Variants in CPVL observed in about 807,000 individuals in gnomAD.
The protein encoded by CPVL is carboxypeptidase vitellogenic like.
In CPVL, 51 loss-of-function variants were observed where a neutral mutation model predicts 63.7. The ratio of observed to expected loss-of-function variants is 0.80; its 90% CI spans 0.64 to 1.01. CPVL has a LOEUF of 1.01. CPVL is among the 50% of genes least tolerant of loss of function. CPVL has a pLI of 0.00. For synonymous variants in CPVL, 195 were observed against 206.0 expected, an observed-to-expected ratio of 0.95 and a Z score of 0.46; for missense variants, 530 against 573.1, an observed-to-expected ratio of 0.92 and a Z score of 0.77.
intron 12 of CPVL, among the ~76,000 whole-genome samples, chr7:29,030,261 T>G (rs1787896527): frequency 6.6e-6 from 1 of 152,246 alleles, no homozygotes; most frequent in Non-Finnish European, 1.5e-5. Flanking sequence ...TCCTTTATAA[T>G]TTGCCAAGTT....
At chr7:29,030,348 T>C (rs1229143870) in intron 12 of CPVL, among the ~76,000 whole-genome samples, 2 of 152,220 alleles carry the variant, frequency 1.3e-5, no homozygotes, top group Admixed American at 1.3e-4. Context: ...TAATGAATTG[T>C]CTCCTTACCT....
At chr7:29,098,834 G>A (rs1169034387) in intron 3 of CPVL, among the ~76,000 whole-genome samples, 5 of 152,000 alleles carry the variant, frequency 3.3e-5, no homozygotes, top group African/African-American at 4.8e-5. Flanking sequence ...AGGTCGAGGC[G>A]GGCGGATCAC....
intron 12 of CPVL, among the ~76,000 whole-genome samples, chr7:28,999,808 A>G (rs1784440220): frequency 6.6e-6 from 1 of 152,240 alleles, no homozygotes; most frequent in African/African-American, 2.4e-5. Context: ...CAAACAAAGC[A>G]TATTCTTAAG....
intron 12 of CPVL, among the ~76,000 whole-genome samples, chr7:29,014,032 G>C (rs974813023): frequency 1.3e-5 from 2 of 152,148 alleles, no homozygotes; most frequent in African/African-American, 4.8e-5. Context: ...ACAGGTGTTG[G>C]TCTCTAACAA....
chr7:29,140,408 T>C (rs1286016435), intron 1 of CPVL, among the ~76,000 whole-genome samples: 1 of 152,244 alleles, frequency 6.6e-6, no homozygotes, highest in African/African-American at 2.4e-5. Context: ...CTAAAACTTG[T>C]GGAGTAGTTA....
chr7:29,064,764 A>G (rs2128565094), intron 10 of CPVL, among the ~76,000 whole-genome samples: 1 of 152,230 alleles, frequency 6.6e-6, no homozygotes, highest in Non-Finnish European at 1.5e-5. Flanking sequence ...ATTTAGCATC[A>G]GGTATATCTC....
chr7:29,141,418 C>T (rs555477550), intron 1 of CPVL, among the ~76,000 whole-genome samples: 4 of 151,902 alleles, frequency 2.6e-5, no homozygotes, highest in African/African-American at 7.2e-5. Flanking sequence ...GGCATGGTAG[C>T]ACATGCCTGT....
chr7:29,109,497 T>G (rs1285716204), intron 3 of CPVL, among the ~76,000 whole-genome samples: 2 of 152,196 alleles, frequency 1.3e-5, no homozygotes, highest in African/African-American at 4.8e-5. Flanking sequence ...GACCACTGCT[T>G]CTTCTTGTCA....
At chr7:29,134,269 C>T (rs545623728) in intron 1 of CPVL, among the ~76,000 whole-genome samples, 2 of 152,210 alleles carry the variant, frequency 1.3e-5, no homozygotes, top group Non-Finnish European at 2.9e-5. Flanking sequence ...AAAGAACCTA[C>T]ACATAATGAC....
intron 9 of CPVL, among the ~76,000 whole-genome samples, chr7:29,070,407 C>T (rs1239547109): frequency 6.6e-6 from 1 of 152,154 alleles, no homozygotes; most frequent in Non-Finnish European, 1.5e-5. Context: ...TCTTTAAAAA[C>T]ATATCAAATG....
chr7:29,050,327 A>G (rs1248127699), intron 11 of CPVL, among the ~76,000 whole-genome samples: 1 of 152,140 alleles, frequency 6.6e-6, no homozygotes, highest in Non-Finnish European at 1.5e-5. Flanking sequence ...AGATTAATGT[A>G]CACAAATCAG....
At chr7:29,030,807 G>C in intron 11 of CPVL, 48 bp from the exon 12 acceptor site, 1 of 1,508,284 alleles carries the variant, frequency 6.6e-7, no homozygotes, top group Non-Finnish European at 9.0e-7. Flanking sequence ...AGGAGGTGAA[G>C]CTCATGAATC....
chr7:29,057,162 A>G (rs939261589), intron 11 of CPVL, among the ~76,000 whole-genome samples: 1 of 151,892 alleles, frequency 6.6e-6, no homozygotes. Flanking sequence ...GGGTCTCTCT[A>G]TGTTGTCCAA....
At chr7:29,015,396 C>T (rs1786309533) in intron 12 of CPVL, among the ~76,000 whole-genome samples, 1 of 152,078 alleles carries the variant, frequency 6.6e-6, no homozygotes, top group South Asian at 2.1e-4. Context: ...GATCATGGGG[C>T]AGATTTCTCA....
intron 5 of CPVL, among the ~76,000 whole-genome samples, chr7:29,178,343 A>G (rs966226651): frequency 6.6e-6 from 1 of 152,188 alleles, no homozygotes; most frequent in African/African-American, 2.4e-5. Flanking sequence ...CGTGGCTGCT[A>G]GGATCTGACA....
intron 12 of CPVL, among the ~76,000 whole-genome samples, chr7:29,025,663 T>C (rs1299080643): frequency 1.3e-5 from 2 of 152,202 alleles, no homozygotes; most frequent in East Asian, 3.8e-4. Flanking sequence ...TTATATTCCA[T>C]GTAAACAGAA....
chr7:29,068,240 C>G (rs568124818), intron 9 of CPVL, among the ~76,000 whole-genome samples: 9 of 152,178 alleles, frequency 5.9e-5, no homozygotes, highest in Non-Finnish European at 7.4e-5. Flanking sequence ...TGGTCTCGAA[C>G]TCCTGACCTT....
intron 12 of CPVL, among the ~76,000 whole-genome samples, chr7:28,998,582 A>ATT (rs1784314590): frequency 6.6e-6 from 1 of 152,132 alleles, no homozygotes; most frequent in Non-Finnish European, 1.5e-5. Flanking sequence ...TCCCTGGAAT[A>ATT]CTTAGCACAG....
At chr7:29,045,213 A>T (rs1789498885) in intron 11 of CPVL, among the ~76,000 whole-genome samples, 2 of 152,210 alleles carry the variant, frequency 1.3e-5, no homozygotes, top group Admixed American at 1.3e-4. Context: ...ATCGAAATCA[A>T]TTTCATAATT....
Sources: gnomAD v4.1 joint callset for allele counts (sites outside exome capture counted in the v4.1 genomes callset) on GRCh38, gnomAD v4.1.1 for gene constraint, MANE v1.5 for transcripts, NCBI Gene and HGNC (gene_info 2026-07-23, HGNC 2026-07-21) for gene names.